Variants in STPG2 observed in about 807,000 individuals in gnomAD.
The protein encoded by STPG2 is sperm tail PG-rich repeat containing 2.
STPG2 carries 56 observed loss-of-function variants against 54.2 expected under a neutral mutation model. The ratio of observed to expected loss-of-function variants is 1.03; its 90% CI spans 0.83 to 1.29. STPG2 has a LOEUF of 1.29. STPG2 is among the 50% of genes most tolerant of loss of function. STPG2 has a pLI of 0.00. For missense variants in STPG2, 596 were observed against 544.9 expected (o/e 1.09, Z -0.93); for synonymous variants, 200 against 181.8 (o/e 1.10, Z -0.81).
chr4:97,971,938 C>T (rs1293343231), intron 7 of STPG2, among the ~76,000 whole-genome samples: 1 of 152,156 alleles, frequency 6.6e-6, no homozygotes, highest in Non-Finnish European at 1.5e-5. Context: ...CTTTACTTCT[C>T]TATATTAAGC....
At chr4:97,854,670 T>A (rs540052587) in intron 8 of STPG2, among the ~76,000 whole-genome samples, 2 of 152,212 alleles carry the variant, frequency 1.3e-5, no homozygotes, top group South Asian at 4.1e-4. Flanking sequence ...ATATCAATAA[T>A]GACATTACAT....
At chr4:97,522,019 A>G (rs1316543793) in intron 4 of STPG2, among the ~76,000 whole-genome samples, 2 of 152,066 alleles carry the variant, frequency 1.3e-5, no homozygotes, top group African/African-American at 4.8e-5. Context: ...AAAAATGCCA[A>G]AGTAAATATG....
chr4:97,565,244 C>A (rs1732395139), intron 10 of STPG2, among the ~76,000 whole-genome samples: 1 of 152,222 alleles, frequency 6.6e-6, no homozygotes, highest in Admixed American at 6.5e-5. Flanking sequence ...GAGGCTTCTG[C>A]ATTCTTCACG....
intron 10 of STPG2, among the ~76,000 whole-genome samples, chr4:97,677,099 G>A (rs1378341331): frequency 2.0e-5 from 3 of 152,080 alleles, no homozygotes; most frequent in Non-Finnish European, 4.4e-5. Context: ...GTCAATTACT[G>A]AAGCATTTTA....
chr4:97,635,134 C>T (rs1022308348), intron 10 of STPG2, among the ~76,000 whole-genome samples: 11 of 152,060 alleles, frequency 7.2e-5, no homozygotes, highest in East Asian at 3.9e-4. Flanking sequence ...AGACTAACAG[C>T]GGATCTCTCA....
intron 8 of STPG2, among the ~76,000 whole-genome samples, chr4:97,874,803 A>G (rs1730114810): frequency 6.6e-6 from 1 of 151,662 alleles, no homozygotes; most frequent in Non-Finnish European, 1.5e-5. Context: ...TAATTATGTC[A>G]TGAGGGTGGA....
chr4:98,133,591 A>G (rs1740058792), intron 2 of STPG2, among the ~76,000 whole-genome samples: 1 of 152,072 alleles, frequency 6.6e-6, no homozygotes, highest in Non-Finnish European at 1.5e-5. Context: ...TTAATGATTT[A>G]TTTTACAAAA....
intron 9 of STPG2, among the ~76,000 whole-genome samples, chr4:97,835,491 A>G (rs533655292): frequency 6.6e-6 from 1 of 152,226 alleles, no homozygotes; most frequent in African/African-American, 2.4e-5. Context: ...TTACAAAATA[A>G]AAATGTTACT....
At chr4:97,781,626 C>A (rs981972084) in intron 9 of STPG2, among the ~76,000 whole-genome samples, 1 of 151,900 alleles carries the variant, frequency 6.6e-6, no homozygotes, top group Non-Finnish European at 1.5e-5. Flanking sequence ...AAAGACACAA[C>A]AAAAAAAGAG....
At chr4:97,581,338 A>G (rs1732859299) in intron 10 of STPG2, among the ~76,000 whole-genome samples, 1 of 152,124 alleles carries the variant, frequency 6.6e-6, no homozygotes. Flanking sequence ...AAACCCAGGC[A>G]TATCTCTGGA....
intron 8 of STPG2, among the ~76,000 whole-genome samples, chr4:97,919,249 A>G (rs1452118781): frequency 1.3e-5 from 2 of 151,912 alleles, no homozygotes; most frequent in African/African-American, 4.8e-5. Flanking sequence ...TCAAAAAGAA[A>G]AGAAGCTGAA....
chr4:98,045,310 G>T (rs1186041369), intron 5 of STPG2, among the ~76,000 whole-genome samples: 1 of 152,062 alleles, frequency 6.6e-6, no homozygotes, highest in African/African-American at 2.4e-5. Flanking sequence ...TCAGAATCTT[G>T]CATAGCACTG....
At chr4:97,503,815 T>C (rs1039154651) in intron 4 of STPG2, among the ~76,000 whole-genome samples, 2 of 131,594 alleles carry the variant, frequency 1.5e-5, no homozygotes, top group Non-Finnish European at 3.2e-5. Context: ...AAAATATATT[T>C]AAATATTTTA....
At chr4:97,748,970 T>C (rs755780985) in intron 9 of STPG2, among the ~76,000 whole-genome samples, 5 of 151,516 alleles carry the variant, frequency 3.3e-5, no homozygotes, top group Non-Finnish European at 7.4e-5. Flanking sequence ...TGAAAATAAA[T>C]AGAATTTCAT....
chr4:97,565,510 CT>C (rs1475698125), intron 10 of STPG2, among the ~76,000 whole-genome samples: 1 of 152,198 alleles, frequency 6.6e-6, no homozygotes, highest in Non-Finnish European at 1.5e-5. Context: ...GAAAGGCACT[CT>C]GCTTTTTAGA....
chr4:97,441,554 A>G (rs1729081671), intron 4 of STPG2: 1 of 152,032 alleles, frequency 6.6e-6, no homozygotes, highest in Non-Finnish European at 1.5e-5. Context: ...AAGAAAAGCT[A>G]TTTCAGTAAG....
chr4:97,649,818 A>C (rs1362119816), intron 10 of STPG2, among the ~76,000 whole-genome samples: 1 of 152,080 alleles, frequency 6.6e-6, no homozygotes, highest in Non-Finnish European at 1.5e-5. Flanking sequence ...TTTTCCACAG[A>C]CCAGGGGGGA....
intron 5 of STPG2, among the ~76,000 whole-genome samples, chr4:98,077,225 T>TTTGTTGTTGTTGTTG (rs56140336): frequency 5.8e-4 from 86 of 148,676 alleles, no homozygotes; most frequent in African/African-American, 1.5e-3. Flanking sequence ...CCTCAATAGT[T>TTTGTTGTTGTTGTTG]TTGTTGTTGT....
At chr4:97,942,527 A>T (rs1733027901) in intron 8 of STPG2, among the ~76,000 whole-genome samples, 1 of 152,098 alleles carries the variant, frequency 6.6e-6, no homozygotes, top group African/African-American at 2.4e-5. Context: ...AATCTCATAG[A>T]ATAGAACCTG....
Sources: allele counts gnomAD v4.1 joint callset (sites outside exome capture counted in the v4.1 genomes callset), GRCh38; gene constraint gnomAD v4.1.1; transcripts MANE v1.5; gene names NCBI Gene and HGNC (gene_info 2026-07-23, HGNC 2026-07-21).